Variants in PCDHGB7 observed in about 807,000 individuals in gnomAD.
PCDHGB7 encodes the protein protocadherin gamma subfamily B, 7.
In PCDHGB7, 37 loss-of-function variants were observed where a neutral mutation model predicts 61.4. That is an observed-to-expected ratio of 0.60 (90% CI 0.46 to 0.79). The LOEUF is 0.79. Ranked by LOEUF, PCDHGB7 falls within the 30% of genes least tolerant of loss-of-function variation. PCDHGB7 has a pLI of 0.00. For missense variants in PCDHGB7, 1,166 were observed against 1,202.5 expected (o/e 0.97, Z 0.45); for synonymous variants, 464 against 503.5 (o/e 0.92, Z 1.05).
intron 1 of PCDHGB7, among the ~76,000 whole-genome samples, chr5:141,463,570 T>A (rs557041487): frequency 2.7e-5 from 4 of 146,586 alleles, no homozygotes; most frequent in Middle Eastern, 3.5e-3. Context: ...TGCCTCAGCC[T>A]CCCGAGTAGC....
intron 1 of PCDHGB7, among the ~76,000 whole-genome samples, chr5:141,492,206 G>T (rs1180294159): frequency 6.6e-6 from 1 of 152,204 alleles, no homozygotes; most frequent in African/African-American, 2.4e-5. Context: ...TTAGGTGTGC[G>T]CGCGGGGCTC....
At chr5:141,456,309 A>T (rs1305324857) in intron 1 of PCDHGB7, among the ~76,000 whole-genome samples, 1 of 152,138 alleles carries the variant, frequency 6.6e-6, no homozygotes, top group Non-Finnish European at 1.5e-5. Flanking sequence ...AACAGCAGCT[A>T]GGGCTCCTCC....
chr5:141,511,374 CA>C lies in PCDHGB7; in HGVS notation c.*202del. ...CCCCAGGGGGTTGAATATGCAAAAG[CA>C]GTTCCGCTGGGAACCCCCATCCAAT... On this transcript the variant is annotated 3_prime_UTR_variant, in exon 4 of 4. Coordinates refer to ENST00000398594, the MANE Select transcript of PCDHGB7 (RefSeq NM_018927.4). The C allele has an allele frequency of 8.0e-7, 1 of 1,242,392 alleles. No individual in the cohort carries two copies. 77.0% of individuals were successfully genotyped at this position (1,242,392 alleles called of 1,614,324 possible).
At chr5:141,425,110 C>T (rs1335909720) in intron 1 of PCDHGB7, among the ~76,000 whole-genome samples, 1 of 152,166 alleles carries the variant, frequency 6.6e-6, no homozygotes, top group East Asian at 1.9e-4. Context: ...CAGATGCCTA[C>T]ATTTTTCTTG....
chr5:141,477,275 G>C lies in PCDHGB7; in HGVS notation c.2416-17532G>C, dbSNP rs1241603826. On this transcript the variant is annotated intron_variant, in intron 1 of 3. Transcript: ENST00000398594. This position sits in a 1 kb window ranked among gnomAD's most constrained non-coding sequence, Gnocchi z 4.9. ...CCTGGATGCTGGCGAGAACGGGCTG[G>C]TGACCTGCGAAGTTCCACCGGGTCT... The C allele has an allele frequency of 2.5e-6, 4 of 1,614,198 alleles. No individual in the cohort carries two copies. The South Asian group carries it at 4.4e-5, about 18-fold the overall frequency.
Position 141,489,368 on chromosome 5 carries a change from C to T in PCDHGB7, c.2416-5439C>T, listed in dbSNP as rs889945954. The T allele has an allele frequency of 1.2e-5, 20 of 1,613,264 alleles. No homozygotes were observed. The highest frequency in any genetic ancestry group is 1.6e-5 in the Non-Finnish European group (19 of 1,179,484). On this transcript the variant is annotated intron_variant, in intron 1 of 3. Transcript: ENST00000398594. The surrounding 1 kb of genome is among the most constrained non-coding windows in gnomAD (Gnocchi z 4.5). The stretch of plus-strand genomic sequence containing the variant: ...GTGGTGGAGGAGTCTGAGCCGGGGA[C>T]GCTGGTGGGGAATGTTGCTCAGGAT...
Position 141,419,259 on chromosome 5 carries a change from C to G in PCDHGB7, c.1400C>G (p.Pro467Arg). 2.5e-6 allele frequency: 4 copies of G among 1,614,016 alleles called. No homozygotes were observed. Among genetic ancestry groups the G allele is most frequent in the Non-Finnish European group, 2.5e-6 (3 of 1,179,898 alleles). The change falls in exon 1 of 4, where the codon CCG becomes CGG. Residue 467 changes from proline to arginine, a missense_variant. Pro to Arg is a moderately radical substitution (Grantham distance 103). Coordinates refer to ENST00000398594, the MANE Select transcript of PCDHGB7 (RefSeq NM_018927.4). Reference protein sequence around the residue: ...YLVHVPENNQPGASIAQVSAS... With the variant: ...YLVHVPENNQRGASIAQVSAS... ...GTCCACGTGCCAGAAAACAACCAGC[C>G]GGGTGCCTCCATAGCGCAAGTCAGT...
Position 141,432,670 on chromosome 5 carries a change from G to A in PCDHGB7, c.2415+12396G>A, listed in dbSNP as rs749221752. ...CGCGAGCCCTGCTGGACAGAGACGC[G>A]CTCAAGCAGAGCCTCGTAGTGGCCG... On this transcript the variant is annotated intron_variant, in intron 1 of 3. Coordinates refer to ENST00000398594, the MANE Select transcript of PCDHGB7 (RefSeq NM_018927.4). The surrounding 1 kb of genome is among the most constrained non-coding windows in gnomAD (Gnocchi z 6.0). The A allele has an allele frequency of 6.8e-6, 11 of 1,613,748 alleles. No individual in the cohort carries two copies. The East Asian group carries it at 1.8e-4, about 26-fold the overall frequency.
At chr5:141,498,352 C>T (rs1439698389) in intron 2 of PCDHGB7, among the ~76,000 whole-genome samples, 1 of 151,772 alleles carries the variant, frequency 6.6e-6, no homozygotes, top group Non-Finnish European at 1.5e-5. Flanking sequence ...AAAGCCTATG[C>T]AAAAGCCTTG....
intron 1 of PCDHGB7, chr5:141,428,308 G>A (rs2097132099): frequency 1.5e-6 from 1 of 685,734 alleles, no homozygotes; most frequent in Non-Finnish European, 2.6e-6. Context: ...TTACCTGGTC[G>A]TGGCCTTGGC....
At chr5:141,422,683 G>A in intron 1 of PCDHGB7, 1 of 1,605,286 alleles carries the variant, frequency 6.2e-7, no homozygotes, top group Non-Finnish European at 8.5e-7. Flanking sequence ...CAAACAGAAT[G>A]CCCTGGTCAC....
chr5:141,418,980 A>T lies in PCDHGB7; in HGVS notation c.1121A>T (p.Gln374Leu). ...GTTGCCCTCTTCAAAACACGGGACC[A>T]AGACTCAGGGGAAAATGGGGAAGTC... The part of the protein sequence containing the change: ...VVVALFKTRD[Q>L]DSGENGEVRC... Residue 374 changes from glutamine to leucine, a missense_variant, in exon 1 of 4, where the codon CAA (glutamine) becomes CTA (leucine). By Grantham distance (113) the Gln-to-Leu change is moderately radical (BLOSUM62 -2). Coordinates refer to ENST00000398594, the MANE Select transcript of PCDHGB7 (RefSeq NM_018927.4). 6.2e-7 allele frequency: 1 copy of T among 1,614,004 alleles called. No individual in the cohort carries two copies.
Position 141,417,955 on chromosome 5 carries a change from G to C in PCDHGB7, c.96G>C (p.Pro32=). ...TGTTCTACCCCACGCTGTGTGAGCC[G>C]ATCCGCTACTCGATTCCGGAGGAGC... The part of the protein sequence containing the change: ...LPLFYPTLCE[P]IRYSIPEELA... Residue 32 remains proline (P), a synonymous_variant, in exon 1 of 4, where the codon CCG becomes CCC. Coordinates refer to ENST00000398594, the MANE Select transcript of PCDHGB7 (RefSeq NM_018927.4). 1.2e-6 allele frequency: 2 copies of C among 1,613,634 alleles called. No homozygotes were observed. Among genetic ancestry groups the C allele is most frequent in the Middle Eastern group, 1.7e-4 (1 of 6,056 alleles).
chr5:141,419,707 C>T lies in PCDHGB7; in HGVS notation c.1848C>T (p.Leu616=), dbSNP rs781629810. ...TGGTGCAGGCCAGTGAGCCCGGGCT[C>T]TTCAGCCTGGGGCTGCGAACAGGCG... ...YHVVQASEPG[L]FSLGLRTGEV... is the part of the protein sequence containing the mutation. The change falls in exon 1 of 4, where the codon CTC becomes CTT. Residue 616 remains leucine, a synonymous_variant. Coordinates refer to ENST00000398594, the MANE Select transcript of PCDHGB7 (RefSeq NM_018927.4). 4.6e-5 allele frequency: 74 copies of T among 1,613,062 alleles called. No individual in the cohort carries two copies. Among genetic ancestry groups the T allele is most frequent in the Middle Eastern group, 1.7e-4 (1 of 6,038 alleles).
chr5:141,499,763 T>C (rs2099794343), intron 2 of PCDHGB7, among the ~76,000 whole-genome samples: 1 of 148,434 alleles, frequency 6.7e-6, no homozygotes, highest in African/African-American at 2.5e-5. Flanking sequence ...CTCAGCTCAC[T>C]GCAGCCTTCG....
At chr5:141,449,380 G>C (rs1011160817) in intron 1 of PCDHGB7, among the ~76,000 whole-genome samples, 3 of 151,950 alleles carry the variant, frequency 2.0e-5, no homozygotes, top group African/African-American at 7.3e-5. Flanking sequence ...GCTGAGGCAG[G>C]TGGATTACTT....
chr5:141,471,208 C>G (rs559571022), intron 1 of PCDHGB7: 1 of 151,664 alleles, frequency 6.6e-6, no homozygotes, highest in Non-Finnish European at 1.5e-5. Context: ...CACCCCCATG[C>G]CTGGCAATTT....
Position 141,431,349 on chromosome 5 carries a change from A to G in PCDHGB7, c.2415+11075A>G. 1.2e-6 allele frequency: 2 copies of G among 1,614,026 alleles called. No individual in the cohort carries two copies. The highest frequency in any genetic ancestry group is 4.5e-5 in the East Asian group (2 of 44,874). On this transcript the variant is annotated intron_variant, in intron 1 of 3. Coordinates refer to ENST00000398594, the MANE Select transcript of PCDHGB7 (RefSeq NM_018927.4). This position sits in a 1 kb window ranked among gnomAD's most constrained non-coding sequence, Gnocchi z 4.8. ...AGTAAGTACCCCGAATTGGTGCTGAAACGCGCCCTGGACCGCGAAGAAAAG... is the reference window on the plus strand; with the variant it reads ...AGTAAGTACCCCGAATTGGTGCTGAGACGCGCCCTGGACCGCGAAGAAAAG...
In PCDHGB7 at chr5:141,486,661, G is replaced by T. The variant is rs373446844; in HGVS notation, c.2416-8146G>T. ...CGCTTATCTCCTACTCACTCCTGGA[G>T]CCCAGGAATCGAGATGTATCAGCTT... is the stretch of plus-strand genomic sequence containing the variant. On this transcript the variant is annotated intron_variant, in intron 1 of 3. Transcript: ENST00000398594. The surrounding 1 kb of genome is among the most constrained non-coding windows in gnomAD (Gnocchi z 5.0). 6.2e-6 allele frequency: 10 copies of T among 1,613,836 alleles called. No individual in the cohort carries two copies. Among genetic ancestry groups the T allele is most frequent in the African/African-American group, 4.0e-5 (3 of 74,918 alleles).
Sources: gnomAD v4.1 joint callset for allele counts (sites outside exome capture counted in the v4.1 genomes callset) on GRCh38, gnomAD v4.1.1 for gene constraint, Gnocchi (gnomAD v3.1) non-coding constraint, MANE v1.5 for transcripts, NCBI Gene and HGNC (gene_info 2026-07-23, HGNC 2026-07-21) for gene names.